STRN3: variants seen among roughly 807,000 people sequenced by gnomAD.
STRN3 encodes striatin 3.
A neutral mutation model predicts 95.6 loss-of-function variants in STRN3; 29 were observed. That is an observed-to-expected ratio of 0.30 (90% CI 0.23 to 0.41). The LOEUF (loss-of-function observed/expected upper bound fraction) is 0.41. STRN3 is among the 10% of genes least tolerant of loss of function. The pLI is 1.00. For synonymous variants in STRN3, 331 were observed against 357.6 expected (o/e 0.93, Z 0.84); for missense variants, 890 against 972.1 (o/e 0.92, Z 1.12).
intron 1 of STRN3, among the ~76,000 whole-genome samples, chr14:31,000,188 TAA>T (rs1221892902): frequency 1.7e-5 from 2 of 118,466 alleles, no homozygotes; most frequent in Non-Finnish European, 1.6e-5. Context: ...ACCTAAAAAA[TAA>T]AGAGTGCTAG....
intron 1 of STRN3, among the ~76,000 whole-genome samples, chr14:30,960,405 T>C (rs1299549351): frequency 6.6e-6 from 1 of 152,104 alleles, no homozygotes; most frequent in Non-Finnish European, 1.5e-5. Context: ...ATTAAGACAC[T>C]GATGACTCAG....
Position 30,950,938 on chromosome 14 carries a change from G to C in STRN3, c.467C>G (p.Thr156Ser). ...TGCTGTGGGAGCCTCTGTGTCTTTG[G>C]TTTCTTCTAAAAATTAAGAAAAAAA... ...LKMPTFESEE[T>S]KDTEAPTAPQ... Residue 156 changes from threonine to serine, a missense_variant, in exon 4 of 18, where the codon ACC becomes AGC. Around this residue, in one of 3 missense-constraint regions of STRN3, gnomAD observed 526 missense variants for 526.3 expected, o/e 1.00. Transcript: ENST00000357479. 1 of 1,610,500 alleles carries C rather than the reference G, an allele frequency of 6.2e-7. No homozygotes were observed.
chr14:30,935,973 G>A (rs1445417006), intron 6 of STRN3, among the ~76,000 whole-genome samples: 7 of 152,186 alleles, frequency 4.6e-5, no homozygotes, highest in African/African-American at 1.7e-4. Context: ...ACGAATGGAC[G>A]ATCAACTCTA....
At chr14:30,926,972 G>A (rs998112410) in intron 8 of STRN3, among the ~76,000 whole-genome samples, 5 of 151,964 alleles carry the variant, frequency 3.3e-5, no homozygotes, top group Admixed American at 2.0e-4. Flanking sequence ...ATGGTAGTAG[G>A]CAAATTATAA....
chr14:31,002,097 C>T (rs887954039), intron 1 of STRN3, among the ~76,000 whole-genome samples: 2 of 133,146 alleles, frequency 1.5e-5, no homozygotes, highest in African/African-American at 2.8e-5. Flanking sequence ...ACCCGGTGGG[C>T]GGAGGTTGCA....
intron 1 of STRN3, among the ~76,000 whole-genome samples, chr14:31,009,261 C>T (rs1882855431): frequency 6.6e-6 from 1 of 152,118 alleles, no homozygotes; most frequent in South Asian, 2.1e-4. Context: ...CACACCAATA[C>T]ATATATATAG....
intron 1 of STRN3, among the ~76,000 whole-genome samples, chr14:30,998,847 C>T (rs1882318996): frequency 6.6e-6 from 1 of 152,180 alleles, no homozygotes; most frequent in African/African-American, 2.4e-5. Flanking sequence ...GTGGCACATG[C>T]CTGTAGTCTT....
At chr14:31,024,995 T>C (rs982899704) in intron 1 of STRN3, 3 of 152,228 alleles carry the variant, frequency 2.0e-5, no homozygotes. Flanking sequence ...AGGTTCACAT[T>C]ATGAGGATCG....
intron 1 of STRN3, among the ~76,000 whole-genome samples, chr14:30,965,704 C>G (rs987457880): frequency 3.4e-5 from 5 of 145,390 alleles, no homozygotes; most frequent in Non-Finnish European, 7.4e-5. Flanking sequence ...ATCTCAACTA[C>G]TCAGGAATCT....
chr14:30,911,029 C>T lies in STRN3; in HGVS notation c.1720+12G>A, dbSNP rs1410841912. On this transcript the variant is annotated intron_variant, in intron 13 of 17. Coordinates refer to ENST00000357479, the MANE Select transcript of STRN3 (RefSeq NM_001083893.2). ...TCACTTAAAAAAAATACATTTTGAT[C>T]ATTTTACTTACCATATGTATCATAT... 1.1e-5 allele frequency: 17 copies of T among 1,603,352 alleles called. No homozygotes were observed. Among genetic ancestry groups the T allele is most frequent in the South Asian group, 3.4e-5 (3 of 89,300 alleles).
chr14:30,993,369 A>G (rs1882054648), intron 1 of STRN3, among the ~76,000 whole-genome samples: 1 of 152,216 alleles, frequency 6.6e-6, no homozygotes, highest in African/African-American at 2.4e-5. Context: ...TTCATCATGA[A>G]TACCTATATC....
rs766305078 is a variant in STRN3, at chr14:30,929,315, C to T, written c.989-4G>A. The T allele has an allele frequency of 1.9e-6, 3 of 1,609,924 alleles. No homozygotes were observed. Among genetic ancestry groups the T allele is most frequent in the Non-Finnish European group, 2.5e-6 (3 of 1,177,760 alleles). On this transcript the variant is annotated splice_region_variant and splice_polypyrimidine_tract_variant and intron_variant, in intron 7 of 17. Coordinates refer to ENST00000357479, the MANE Select transcript of STRN3 (RefSeq NM_001083893.2). Reference sequence around the variant, plus strand: ...GTTGGGGAGAGGTCATCTTTATCTACATGCAGCATATTATTAAAAGAAAAA... The same window carrying T: ...GTTGGGGAGAGGTCATCTTTATCTATATGCAGCATATTATTAAAAGAAAAA...
chr14:30,967,053 G>C (rs965259325), intron 1 of STRN3, among the ~76,000 whole-genome samples: 11 of 151,958 alleles, frequency 7.2e-5, no homozygotes, highest in African/African-American at 2.7e-4. Context: ...TGAGGCTTCC[G>C]GGACACACAA....
At chr14:30,976,899 G>A (rs1290169292) in intron 1 of STRN3, among the ~76,000 whole-genome samples, 1 of 152,136 alleles carries the variant, frequency 6.6e-6, no homozygotes, top group East Asian at 1.9e-4. Context: ...AGACCAGCCT[G>A]GCCAACATGG....
chr14:30,908,950 T>C (rs1199708093), intron 13 of STRN3, among the ~76,000 whole-genome samples: 1 of 152,250 alleles, frequency 6.6e-6, no homozygotes, highest in Non-Finnish European at 1.5e-5. Flanking sequence ...ATATTTGTCA[T>C]CCTTTAACAT....
chr14:30,970,201 GCTCT>G (rs369503303), intron 1 of STRN3, among the ~76,000 whole-genome samples: 9 of 152,276 alleles, frequency 5.9e-5, no homozygotes, highest in African/African-American at 2.2e-4. Context: ...GTCAAAGACA[GCTCT>G]CTATTTCAGA....
At position 31,026,026 on chromosome 14, in the gene STRN3, C is replaced by G; in HGVS notation, c.160G>C (p.Gly54Arg). 1 of 1,540,166 alleles carries G rather than the reference C, an allele frequency of 6.5e-7. No homozygotes were observed. Among genetic ancestry groups the G allele is most frequent in the South Asian group, 1.2e-5 (1 of 83,618 alleles). Residue 54 changes from glycine to arginine, a missense_variant, in exon 1 of 18, where the codon GGC (glycine) becomes CGC (arginine). By Grantham distance (125) the Gly-to-Arg change is moderately radical (BLOSUM62 -2). Transcript: ENST00000357479. ...TGCTGCGGCCGGGACAGCTCGGGGC[C>G]TGCCGCGGGACCCGCTCCCTCGGAG... ...PASEGAGPAA[G>R]PELSRPQQYT...
At chr14:30,993,268 A>AT in intron 1 of STRN3, among the ~76,000 whole-genome samples, 1 of 151,736 alleles carries the variant, frequency 6.6e-6, no homozygotes, top group South Asian at 2.1e-4. Flanking sequence ...AAAAAAAAAA[A>AT]AACCCACAAA....
rs537904659 is a variant in STRN3, at chr14:30,919,309, G to A, written c.1100-203C>T. ...AATATTTACTATTTCTGTGGAGAGA[G>A]AGATATATATAAAGATACATATCTA... On this transcript the variant is annotated intron_variant, in intron 8 of 17. Coordinates refer to ENST00000357479, the MANE Select transcript of STRN3 (RefSeq NM_001083893.2). 1.3e-4 allele frequency among the ~76,000 whole-genome samples: 19 copies of A among 151,594 alleles called. 2 individuals carry two copies. The highest frequency in any genetic ancestry group is 2.8e-4 in the Non-Finnish European group (19 of 67,950).
Sources: gnomAD v4.1 joint callset for allele counts (sites outside exome capture counted in the v4.1 genomes callset) on GRCh38, gnomAD v4.1.1 for gene constraint, gnomAD v4.1.1 regional missense constraint, MANE v1.5 for transcripts, NCBI Gene and HGNC (gene_info 2026-07-23, HGNC 2026-07-21) for gene names.